The following DEPDC5 variants were observed in gnomAD, a reference collection of about 807,000 sequenced individuals.
DEPDC5 encodes DEP domain containing 5, GATOR1 subcomplex subunit, also known as GATOR1 complex protein DEPDC5.
Under a neutral mutation model 217.3 loss-of-function variants are expected in DEPDC5, and 73 were observed. That is an observed-to-expected ratio of 0.34 (90% CI 0.28 to 0.41). The LOEUF is 0.41. DEPDC5 is among the 10% of genes least tolerant of loss of function. The probability of loss-of-function intolerance (pLI) is 1.00; values close to 1 mark genes in which losing one functional copy is unlikely to be tolerated. For missense variants in DEPDC5, 1,675 were observed against 2,070.1 expected (o/e 0.81, Z 3.70); for synonymous variants, 733 against 756.7 (o/e 0.97, Z 0.51).
intron 31 of DEPDC5, among the ~76,000 whole-genome samples, chr22:31,855,880 C>T (rs1332117422): frequency 6.6e-6 from 1 of 151,564 alleles, no homozygotes; most frequent in African/African-American, 2.4e-5. Flanking sequence ...TTTTTGCATC[C>T]CTGGTATGTG....
chr22:31,845,863 C>CTT (rs113308736), intron 30 of DEPDC5, among the ~76,000 whole-genome samples: 1,936 of 138,308 alleles, frequency 0.014, 40 homozygotes, highest in African/African-American at 0.049. Context: ...TCATGCTAGT[C>CTT]TTTTTTTTTT....
rs1187533908 is a variant in DEPDC5, at chr22:31,804,097, A to G, written c.1082-65A>G. ...ACTACCCATTTAAATAACATGATTT[A>G]TAGATAGGGACACTTGTCTCTGCCA... On this transcript the variant is annotated intron_variant, in intron 15 of 42. Transcript: ENST00000651528. The G allele has an allele frequency of 3.3e-6, 5 of 1,514,018 alleles. No homozygotes were observed. In the African/African-American group the frequency reaches 6.9e-5, roughly 21 times the overall value. The allele number at this position is 1,514,018 out of a possible 1,614,324, so 93.8% of individuals were successfully genotyped here.
chr22:31,786,337 A>G (rs1300731425), intron 10 of DEPDC5, among the ~76,000 whole-genome samples: 1 of 150,972 alleles, frequency 6.6e-6, no homozygotes, highest in Admixed American at 6.6e-5. Context: ...GGCAGATTGC[A>G]TGAGCCCTGG....
intron 24 of DEPDC5, among the ~76,000 whole-genome samples, chr22:31,829,954 T>C (rs2090464115): frequency 6.6e-6 from 1 of 152,242 alleles, no homozygotes; most frequent in African/African-American, 2.4e-5. Flanking sequence ...TCTTTCTCTT[T>C]AGTGTTGAGG....
chr22:31,893,469 GTTTTC>G (rs2093483293), intron 38 of DEPDC5, 108 bp from the exon 39 acceptor site: 9 of 1,097,192 alleles, frequency 8.2e-6, no homozygotes, highest in Non-Finnish European at 9.7e-6. Flanking sequence ...GGAATCTGCA[GTTTTC>G]TTTTAGGCAC....
At position 31,766,581 on chromosome 22, in the gene DEPDC5, T is replaced by A. The variant is rs1189299482; in HGVS notation, c.280-4T>A. 3.1e-6 allele frequency: 5 copies of A among 1,613,616 alleles called. No homozygotes were observed. Among genetic ancestry groups the A allele is most frequent in the Admixed American group, 3.3e-5 (2 of 59,954 alleles). On this transcript the variant is annotated splice_region_variant and splice_polypyrimidine_tract_variant and intron_variant, in intron 5 of 42. Coordinates refer to ENST00000651528, the MANE Select transcript of DEPDC5 (RefSeq NM_001242896.3). ...CAGAGATATCATTTGATTATTCCTT[T>A]TAGGATGTGACCCTTGACCTAGTGG...
chr22:31,804,860 C>T lies in DEPDC5; in HGVS notation c.1162C>T (p.Pro388Ser), dbSNP rs769703915. 3 of 1,613,982 alleles carry T rather than the reference C, an allele frequency of 1.9e-6. No homozygotes were observed. The highest frequency in any genetic ancestry group is 1.1e-5 in the South Asian group (1 of 91,070). Reference protein sequence around the residue: ...PLFKLHNRSAPRDSRLGDDYN... With the variant: ...PLFKLHNRSASRDSRLGDDYN... ...CTTGCAGCTCCATAATCGGAGTGCT[C>T]CCCGTGATTCTCGTCTGGGCGATGA... Residue 388 changes from proline (P) to serine (S), a missense_variant, in exon 17 of 43, where the codon CCC becomes TCC. Pro to Ser is a moderately conservative substitution (Grantham distance 74). Coordinates refer to ENST00000651528, the MANE Select transcript of DEPDC5 (RefSeq NM_001242896.3).
At position 31,864,522 on chromosome 22, in the gene DEPDC5, A is replaced by ATT. The variant is rs1005402469; in HGVS notation, c.3330+3090_3330+3091insTT. Among the ~76,000 whole-genome samples, 35 of 133,020 alleles carry ATT rather than the reference A, an allele frequency of 2.6e-4. 1 individual carries two copies. The highest frequency in any genetic ancestry group is 4.1e-4 in the Non-Finnish European group (26 of 63,366). The allele number at this position is 133,020 out of a possible 152,430, so 87.3% of individuals were successfully genotyped here. Reference sequence around the variant, plus strand: ...TTAAAATATATATATATATATATATATATTTATATATTTATTTATTTACTG... The same window carrying ATT: ...TTAAAATATATATATATATATATATATTTATTTATATATTTATTTATTTACTG... On this transcript the variant is annotated intron_variant, in intron 33 of 42. Coordinates refer to ENST00000651528, the MANE Select transcript of DEPDC5 (RefSeq NM_001242896.3).
chr22:31,823,632 G>A (rs1395216968), intron 24 of DEPDC5, among the ~76,000 whole-genome samples: 4 of 152,220 alleles, frequency 2.6e-5, no homozygotes, highest in African/African-American at 9.6e-5. Context: ...TTTCAGTGCG[G>A]GTGGGGGAAG....
Position 31,907,382 on chromosome 22 carries a change from G to GT in DEPDC5, c.*887dup, listed in dbSNP as rs2093772156. The GT allele has an allele frequency of 6.7e-6, 1 of 148,646 alleles. No individual in the cohort carries two copies. Among genetic ancestry groups the GT allele is most frequent in the East Asian group, 2.0e-4 (1 of 5,078 alleles). The allele number at this position is 148,646 out of a possible 1,614,324, so 9.2% of individuals were successfully genotyped here. On this transcript the variant is annotated 3_prime_UTR_variant, in exon 43 of 43. Transcript: ENST00000651528. ...GACTCTAACTTAGGTTTTTTTTGTT[G>GT]TTGTTTTTTTTGTTGTTTTTTTTGA...
chr22:31,833,952 G>C lies in DEPDC5; in HGVS notation c.2142G>C (p.Glu714Asp), dbSNP rs2090793525. 4 of 1,612,940 alleles carry C rather than the reference G, an allele frequency of 2.5e-6. No homozygotes were observed. Among genetic ancestry groups the C allele is most frequent in the Non-Finnish European group, 2.5e-6 (3 of 1,179,350 alleles). The change falls in exon 25 of 43, where the codon GAG becomes GAC. Residue 714 changes from glutamate to aspartate, a missense_variant. Coordinates refer to ENST00000651528, the MANE Select transcript of DEPDC5 (RefSeq NM_001242896.3). ...NPRTQNKDSL[E>D]DSVSTSPDPI... ...GGACCCAGAATAAGGATTCTCTAGA[G>C]GACAGTGTTTCTACCTCTCCAGACC...
Position 31,821,609 on chromosome 22 carries a change from G to A in DEPDC5, c.1978G>A (p.Glu660Lys). Residue 660 changes from glutamate to lysine, a missense_variant, in exon 23 of 43, where the codon GAG (glutamate) becomes AAG (lysine). Glu to Lys is a moderately conservative substitution (Grantham distance 56). Transcript: ENST00000651528. ...DPTHSSAELL[E>K]LAYHEAAGRH... ...AACTCACTCCTCTGCAGAGCTGCTG[G>A]AGTTAGCATATCATGAAGCTGCTGG... 6.2e-7 allele frequency: 1 copy of A among 1,614,016 alleles called. No homozygotes were observed.
At chr22:31,772,727 ATC>A (rs1024391440) in intron 7 of DEPDC5, among the ~76,000 whole-genome samples, 12 of 151,108 alleles carry the variant, frequency 7.9e-5, no homozygotes, top group Non-Finnish European at 1.3e-4. Flanking sequence ...ACCTATTCAG[ATC>A]TCTCTCATTT....
At chr22:31,814,391 G>C (rs2148751939) in intron 20 of DEPDC5, 1 of 153,208 alleles carries the variant, frequency 6.5e-6, no homozygotes, top group South Asian at 2.0e-4. Flanking sequence ...TCAGTTTTTT[G>C]AATTGCCTCA....
At chr22:31,797,778 G>C (rs565664388) in intron 13 of DEPDC5, 75 bp downstream of exon 13, 3 of 1,148,482 alleles carry the variant, frequency 2.6e-6, no homozygotes, top group South Asian at 2.5e-5. Flanking sequence ...GAGAAGAGAT[G>C]TGTGCTTGTT....
chr22:31,875,881 C>A (rs528233872), intron 36 of DEPDC5: 1 of 285,410 alleles, frequency 3.5e-6, no homozygotes, highest in Non-Finnish European at 6.6e-6. Flanking sequence ...GATCCACCCC[C>A]CTCAGCCTCC....
intron 38 of DEPDC5, among the ~76,000 whole-genome samples, chr22:31,887,007 C>T (rs567299579): frequency 1.1e-3 from 165 of 151,088 alleles, no homozygotes; most frequent in African/African-American, 3.5e-3. Flanking sequence ...TGCTTGAACC[C>T]GGGAGGTGGA....
At position 31,856,155 on chromosome 22, in the gene DEPDC5, G is replaced by GCGCGCACA. The variant is rs1226909374; in HGVS notation, c.3156-1289_3156-1288insGCGCACAC. ...GAGATGTGCTGAGTTGGGCCAACGC[G>GCGCGCACA]CACACACACACACACACACACACAC... is the stretch of plus-strand genomic sequence containing the variant. On this transcript the variant is annotated intron_variant, in intron 31 of 42. Transcript: ENST00000651528. Among the ~76,000 whole-genome samples, 816 of 140,672 alleles carry GCGCGCACA rather than the reference G, an allele frequency of 5.8e-3. 4 individuals are homozygous for GCGCGCACA. The highest frequency in any genetic ancestry group is 7.5e-3 in the Non-Finnish European group (487 of 64,578). 92.3% of individuals were successfully genotyped at this position (140,672 alleles called of 152,430 possible).
In DEPDC5 at chr22:31,804,904, G is replaced by A; in HGVS notation, c.1206G>A (p.Trp402Ter). The change falls in exon 17 of 43, where the codon TGG (tryptophan) becomes TGA (stop). Residue 402 changes from tryptophan (W) to a stop codon, truncating the protein, a stop_gained. Coordinates refer to ENST00000651528, the MANE Select transcript of DEPDC5 (RefSeq NM_001242896.3). LOFTEE classifies it high-confidence loss of function. Reference sequence around the variant, plus strand: ...GCGATGACTATAATATCCCTCACTGGATAAACCACAGGTGGGTGCGATCTC... The same window carrying A: ...GCGATGACTATAATATCCCTCACTGAATAAACCACAGGTGGGTGCGATCTC... ...RLGDDYNIPH[W>*]INHSFYTSKS... 1 of 1,613,704 alleles carries A rather than the reference G, an allele frequency of 6.2e-7. No homozygotes were observed.
Sources: gnomAD v4.1 joint callset for allele counts (sites outside exome capture counted in the v4.1 genomes callset) on GRCh38, gnomAD v4.1.1 for gene constraint, MANE v1.5 for transcripts, NCBI Gene and HGNC (gene_info 2026-07-23, HGNC 2026-07-21) for gene names.